SLC2A9: variants seen among roughly 807,000 people sequenced by gnomAD.
SLC2A9 encodes the protein solute carrier family 2, facilitated glucose transporter member 9.
In SLC2A9, 39 loss-of-function variants were observed where a neutral mutation model predicts 50.6. The ratio of observed to expected loss-of-function variants is 0.77; its 90% CI spans 0.60 to 1.01. The LOEUF (loss-of-function observed/expected upper bound fraction) is 1.01. Ranked by LOEUF, SLC2A9 falls within the 50% of genes least tolerant of loss-of-function variation. The probability of loss-of-function intolerance (pLI) is 0.00; values close to 1 mark genes in which losing one functional copy is unlikely to be tolerated. For synonymous variants in SLC2A9, 324 were observed against 276.9 expected (o/e 1.17, Z -1.69); for missense variants, 686 against 677.6 (o/e 1.01, Z -0.14).
At chr4:10,026,592 G>A (rs1029980917) in intron 1 of SLC2A9, among the ~76,000 whole-genome samples, 1 of 152,182 alleles carries the variant, frequency 6.6e-6, no homozygotes, top group East Asian at 1.9e-4. Context: ...TCCAATGGCC[G>A]AGAGGTGGAA....
intron 5 of SLC2A9, among the ~76,000 whole-genome samples, chr4:9,946,568 A>C (rs2108808361): frequency 6.6e-6 from 1 of 152,286 alleles, no homozygotes; most frequent in East Asian, 1.9e-4. Context: ...TGGAAAGGGG[A>C]AGAGCAAGCC....
intron 3 of SLC2A9, among the ~76,000 whole-genome samples, chr4:9,787,384 G>T (rs563494073): frequency 6.6e-6 from 1 of 152,260 alleles, no homozygotes; most frequent in East Asian, 1.9e-4. Flanking sequence ...CATAGTTTCA[G>T]ACTTACAGAA....
intron 8 of SLC2A9, among the ~76,000 whole-genome samples, chr4:9,904,750 C>G (rs1017688102): frequency 6.6e-6 from 1 of 152,222 alleles, no homozygotes; most frequent in Non-Finnish European, 1.5e-5. Flanking sequence ...TAGCCTCATC[C>G]TAAAGCCAAA....
At chr4:9,973,013 C>T (rs189935672) in intron 5 of SLC2A9, among the ~76,000 whole-genome samples, 23 of 151,948 alleles carry the variant, frequency 1.5e-4, no homozygotes, top group African/African-American at 5.1e-4. Flanking sequence ...ACCAAAAGTT[C>T]ATTATTTGAA....
intron 2 of SLC2A9, among the ~76,000 whole-genome samples, chr4:9,998,023 G>A (rs1478988353): frequency 2.6e-5 from 4 of 152,204 alleles, no homozygotes; most frequent in Admixed American, 2.0e-4. Context: ...TGACTGGTAT[G>A]CTAATGACAG....
intron 6 of SLC2A9, among the ~76,000 whole-genome samples, chr4:9,939,659 A>T (rs1381024536): frequency 6.6e-6 from 1 of 151,958 alleles, no homozygotes; most frequent in Non-Finnish European, 1.5e-5. Flanking sequence ...TGTTGTGATG[A>T]TTTAATGAGC....
At chr4:9,777,100 T>C (rs540607996), downstream of SLC2A9, among the ~76,000 whole-genome samples, 3 of 152,306 alleles carry the variant, frequency 2.0e-5, no homozygotes, top group East Asian at 1.9e-4. Flanking sequence ...CTGTATGACA[T>C]TGTTTATTTT....
At chr4:9,928,661 G>C (rs997495083) in intron 6 of SLC2A9, among the ~76,000 whole-genome samples, 12 of 152,312 alleles carry the variant, frequency 7.9e-5, no homozygotes, top group Middle Eastern at 3.4e-3. Context: ...TTGAACCCGG[G>C]AGGTGGAGGT....
chr4:10,010,459 T>G (rs969048914), intron 2 of SLC2A9, among the ~76,000 whole-genome samples: 1 of 152,186 alleles, frequency 6.6e-6, no homozygotes, highest in East Asian at 1.9e-4. Context: ...TACCATATGT[T>G]CACGGAACCC....
At chr4:9,880,081 G>C in intron 10 of SLC2A9, 3 of 985,374 alleles carry the variant, frequency 3.0e-6, no homozygotes, top group Non-Finnish European at 3.6e-6. Flanking sequence ...ATTCAGCTCT[G>C]AGCATCTTCC....
intron 3 of SLC2A9, among the ~76,000 whole-genome samples, chr4:9,802,690 C>T (rs1577328896): frequency 6.6e-6 from 1 of 151,448 alleles, no homozygotes; most frequent in African/African-American, 2.4e-5. Context: ...TCCCAAGTAG[C>T]TGAGATTACA....
At chr4:9,866,650 C>T (rs112051736) in intron 10 of SLC2A9, among the ~76,000 whole-genome samples, 32 of 152,194 alleles carry the variant, frequency 2.1e-4, no homozygotes, top group African/African-American at 4.6e-4. Flanking sequence ...TCCATGGATA[C>T]GGGGACGATG....
At chr4:9,852,081 T>A (rs1250401714) in intron 10 of SLC2A9, among the ~76,000 whole-genome samples, 4 of 152,234 alleles carry the variant, frequency 2.6e-5, no homozygotes, top group Non-Finnish European at 4.4e-5. Context: ...ATCCCCAAGA[T>A]ACATAGTCCG....
chr4:10,019,568 G>C (rs945890789), intron 1 of SLC2A9, among the ~76,000 whole-genome samples: 4 of 152,230 alleles, frequency 2.6e-5, no homozygotes, highest in African/African-American at 9.6e-5. Flanking sequence ...GTCTAGGATG[G>C]GGACTGAAGT....
intron 10 of SLC2A9, among the ~76,000 whole-genome samples, chr4:9,836,088 CAAAAAAAAAA>C (rs35303241): frequency 8.3e-5 from 4 of 48,220 alleles, no homozygotes; most frequent in African/African-American, 3.5e-4. Context: ...AACTCCCTCT[CAAAAAAAAAA>C]AAAAAAAAAA....
At chr4:9,861,985 A>C (rs1329236561) in intron 10 of SLC2A9, among the ~76,000 whole-genome samples, 1 of 152,120 alleles carries the variant, frequency 6.6e-6, no homozygotes, top group Admixed American at 6.5e-5. Flanking sequence ...GGCCCCTACT[A>C]TCCTTCCAAC....
chr4:9,864,162 T>C (rs1368988202), intron 10 of SLC2A9, among the ~76,000 whole-genome samples: 1 of 152,056 alleles, frequency 6.6e-6, no homozygotes, highest in East Asian at 1.9e-4. Context: ...GGCTTCTTCT[T>C]TGCCATTTGG....
At chr4:9,805,714 A>T (rs1383689937) in intron 3 of SLC2A9, among the ~76,000 whole-genome samples, 1 of 151,058 alleles carries the variant, frequency 6.6e-6, no homozygotes, top group East Asian at 1.9e-4. Flanking sequence ...TTGTCTCAAA[A>T]AAAAAAAGCC....
At chr4:9,907,068 G>T (rs1740819770) in intron 8 of SLC2A9, among the ~76,000 whole-genome samples, 1 of 152,256 alleles carries the variant, frequency 6.6e-6, no homozygotes, top group Non-Finnish European at 1.5e-5. Context: ...CTGCCTGTTT[G>T]CATGGGCATC....
Sources: gnomAD v4.1 joint callset for allele counts (sites outside exome capture counted in the v4.1 genomes callset) on GRCh38, gnomAD v4.1.1 for gene constraint, MANE v1.5 for transcripts, NCBI Gene and HGNC (gene_info 2026-07-23, HGNC 2026-07-21) for gene names.